COL4A4: variants seen among roughly 807,000 people sequenced by gnomAD.
The protein encoded by COL4A4 is collagen alpha-4(IV) chain.
Under a neutral mutation model 192.9 loss-of-function variants are expected in COL4A4, and 105 were observed. The observed-to-expected ratio is 0.54, with a 90% CI of 0.46 to 0.64. The LOEUF (loss-of-function observed/expected upper bound fraction) is 0.64. COL4A4 is among the 30% of genes least tolerant of loss of function. The pLI, the probability that COL4A4 is intolerant of heterozygous loss-of-function variation, is 0.00. For missense variants in COL4A4, 1,967 were observed against 2,169.3 expected, an observed-to-expected ratio of 0.91 and a Z score of 1.85; for synonymous variants, 762 against 769.9, an observed-to-expected ratio of 0.99 and a Z score of 0.17.
chr2:227,017,973 G>A (rs138243922), intron 44 of COL4A4, among the ~76,000 whole-genome samples: 3 of 152,110 alleles, frequency 2.0e-5, no homozygotes, highest in African/African-American at 4.8e-5. Flanking sequence ...GGAGGTAGAG[G>A]AGCAGAAAAG....
intron 25 of COL4A4, among the ~76,000 whole-genome samples, chr2:227,071,106 G>T (rs2058696998): frequency 6.6e-6 from 1 of 151,982 alleles, no homozygotes; most frequent in South Asian, 2.1e-4. Context: ...AAAGATACGG[G>T]ATGGCAAAAT....
At chr2:226,980,700 A>G in the COL4A4 span, among the ~76,000 whole-genome samples, 9,377 of 152,202 alleles carry the variant, frequency 0.062, 893 homozygotes, top group African/African-American at 0.21. Flanking sequence ...ACATATTTAG[A>G]TACTTCCAAT....
chr2:227,018,685 A>C (rs1965416385), intron 44 of COL4A4, among the ~76,000 whole-genome samples: 2 of 152,082 alleles, frequency 1.3e-5, no homozygotes, highest in South Asian at 4.1e-4. Flanking sequence ...AAAACATCAT[A>C]ATCATGTAGG....
intron 14 of COL4A4, 103 bp downstream of exon 14, chr2:227,103,032 TGGTAATATA>T: frequency 9.0e-7 from 1 of 1,113,000 alleles, no homozygotes; most frequent in East Asian, 2.4e-5. Flanking sequence ...TGAAAAATTC[TGGTAATATA>T]TATTAGCACT....
In COL4A4 at chr2:227,080,542, T is replaced by G. The variant is rs779659612; in HGVS notation, c.1704A>C (p.Lys568Asn). 12 of 1,613,728 alleles carry G rather than the reference T, an allele frequency of 7.4e-6. No individual in the cohort carries two copies. Among genetic ancestry groups the G allele is most frequent in the Admixed American group, 3.3e-5 (2 of 59,992 alleles). Reference protein sequence around the residue: ...DMVVSRVKGHKGERGPDGPPG... With the variant: ...DMVVSRVKGHNGERGPDGPPG... The stretch of plus-strand genomic sequence containing the variant: ...GGGGCCCATCAGGACCTCTTTCTCC[T>G]TTGTGCCCTGGAAATAGAGGTCAAA... The change falls in exon 24 of 48, where the codon AAA becomes AAC. Residue 568 changes from lysine (K) to asparagine (N), a missense_variant. Transcript: ENST00000396625.
rs1004281854 is a variant in COL4A4, at chr2:227,005,043, C to T, written c.*2282G>A. 4.6e-5 allele frequency: 7 copies of T among 152,176 alleles called. No individual in the cohort carries two copies. The South Asian group carries it at 6.2e-4, about 14-fold the overall frequency. The allele number at this position is 152,176 out of a possible 1,614,324, so 9.4% of individuals were successfully genotyped here. On this transcript the variant is annotated 3_prime_UTR_variant, in exon 48 of 48. Transcript: ENST00000396625. ...CTTCTATTCCAAGAAGTTATTTTTC[C>T]GCCCTTTTGATCCTTTAAAATACTT...
rs138774433 is a variant in COL4A4 at position 227,018,709 on chromosome 2, G to A, written c.4216+3339C>T. On this transcript the variant is annotated intron_variant, in intron 44 of 47. Transcript: ENST00000396625. ...TAATCATGTAGGTGTTAGAGAGGTG[G>A]CCTTGGAGTGTCCCCACTTCCAGCA... Among the ~76,000 whole-genome samples, 446 of 152,250 alleles carry A rather than the reference G, an allele frequency of 2.9e-3. 2 individuals carry two copies. Among genetic ancestry groups the A allele is most frequent in the African/African-American group, 0.01 (422 of 41,544 alleles).
rs1961317306 is a variant in COL4A4, at chr2:227,002,851, GGTTAGA to G, written c.*4468_*4473del. 6.6e-6 allele frequency: 1 copy of G among 152,612 alleles called. No homozygotes were observed. Among genetic ancestry groups the G allele is most frequent in the Non-Finnish European group, 1.5e-5 (1 of 68,046 alleles). The allele number at this position is 152,612 out of a possible 1,614,324, so 9.5% of individuals were successfully genotyped here. On this transcript the variant is annotated 3_prime_UTR_variant, in exon 48 of 48. Coordinates refer to ENST00000396625, the MANE Select transcript of COL4A4 (RefSeq NM_000092.5). The stretch of plus-strand genomic sequence containing the variant: ...GAAAGTCTTTAACTTTACAACCAGA[GGTTAGA>G]GAAAGGGATGCAATTTATTAGACAC...
rs557886604 is a variant in COL4A4 at position 227,010,747 on chromosome 2, CAG to C, written c.4334-248_4334-247del. 3.3e-5 allele frequency among the ~76,000 whole-genome samples: 5 copies of C among 152,276 alleles called. No individual in the cohort carries two copies. The East Asian group carries it at 5.8e-4, about 18-fold the overall frequency. On this transcript the variant is annotated intron_variant, in intron 45 of 47. Coordinates refer to ENST00000396625, the MANE Select transcript of COL4A4 (RefSeq NM_000092.5). ...GCTACATTAGCATAAAGACAAAAAA[CAG>C]AGGAAAATCCCTGCCCTCATAGAGC...
At chr2:227,018,623 G>C (rs1965399859) in intron 44 of COL4A4, among the ~76,000 whole-genome samples, 1 of 152,206 alleles carries the variant, frequency 6.6e-6, no homozygotes, top group African/African-American at 2.4e-5. Flanking sequence ...CACATGGTGA[G>C]AACATAGGAA....
intron 38 of COL4A4, 64 bp from the exon 39 acceptor site, chr2:227,032,340 A>T: frequency 3.9e-6 from 6 of 1,547,658 alleles, no homozygotes; most frequent in Non-Finnish European, 5.3e-6. Context: ...ATAGTGCCTG[A>T]AAAGGAACCA....
intron 37 of COL4A4, 144 bp from the exon 38 acceptor site, chr2:227,033,625 G>A (rs1968900175): frequency 8.5e-6 from 6 of 709,354 alleles, no homozygotes; most frequent in Non-Finnish European, 1.5e-5. Flanking sequence ...TCATCAGGGT[G>A]GAAACCCAGG....
At chr2:227,133,618 G>A (rs920507917) in intron 4 of COL4A4, among the ~76,000 whole-genome samples, 26 of 152,106 alleles carry the variant, frequency 1.7e-4, no homozygotes, top group Admixed American at 4.6e-4. Flanking sequence ...AAGGCCAGGC[G>A]TGGTGGCTCA....
At chr2:226,987,798 T>C in the COL4A4 span, among the ~76,000 whole-genome samples, 5 of 152,350 alleles carry the variant, frequency 3.3e-5, no homozygotes, top group Middle Eastern at 6.8e-3. Flanking sequence ...CAGAGTCATC[T>C]GGGTGCTCGT....
At position 227,041,860 on chromosome 2, in the gene COL4A4, A is replaced by AG. The variant is rs1559478521; in HGVS notation, c.3505+287_3505+288insC. Among the ~76,000 whole-genome samples, 42 of 92,336 alleles carry AG rather than the reference A, an allele frequency of 4.5e-4. 1 individual carries two copies. Among genetic ancestry groups the AG allele is most frequent in the African/African-American group, 2.1e-3 (38 of 18,364 alleles). 60.6% of individuals were successfully genotyped at this position (92,336 alleles called of 152,430 possible). ...AGAAAGAAAGAAAGAGAAAGAAAGA[A>AG]AGAAAGAAAGAAAGAAAGAAAGAAA... On this transcript the variant is annotated intron_variant, in intron 37 of 47. Transcript: ENST00000396625.
intron 33 of COL4A4, among the ~76,000 whole-genome samples, chr2:227,050,724 T>C (rs981234494): frequency 1.3e-5 from 2 of 152,164 alleles, no homozygotes; most frequent in Non-Finnish European, 2.9e-5. Flanking sequence ...TCTTCATGGG[T>C]GGTTTAAACC....
chr2:227,020,410 C>G (rs907087408), intron 44 of COL4A4, among the ~76,000 whole-genome samples: 2 of 152,148 alleles, frequency 1.3e-5, no homozygotes, highest in African/African-American at 4.8e-5. Flanking sequence ...ACAACCAACA[C>G]CCAATTAACC....
intron 42 of COL4A4, 106 bp from the exon 43 acceptor site, chr2:227,025,916 A>G: frequency 2.0e-6 from 2 of 988,410 alleles, no homozygotes; most frequent in East Asian, 2.4e-5. Flanking sequence ...GATTAAGAAC[A>G]TACATAATAA....
chr2:227,145,813 G>A, intron 2 of COL4A4, among the ~76,000 whole-genome samples: 1 of 152,138 alleles, frequency 6.6e-6, no homozygotes, highest in Non-Finnish European at 1.5e-5. Context: ...ATACTTAATG[G>A]CTCCCACACT....
Sources: gnomAD v4.1 joint callset for allele counts (sites outside exome capture counted in the v4.1 genomes callset) on GRCh38, gnomAD v4.1.1 for gene constraint, MANE v1.5 for transcripts, NCBI Gene and HGNC (gene_info 2026-07-23, HGNC 2026-07-21) for gene names.